The following ENOX1 variants were observed in gnomAD, a reference collection of about 807,000 sequenced individuals.
ENOX1 encodes the protein ecto-NOX disulfide-thiol exchanger 1.
Under a neutral mutation model 82.5 loss-of-function variants are expected in ENOX1, and 42 were observed. That is an observed-to-expected ratio of 0.51 (90% CI 0.40 to 0.66). The LOEUF is 0.66. Among genes scored for constraint, ENOX1 ranks in the 30% least tolerant of loss-of-function variants. The pLI is 0.00. For synonymous variants in ENOX1, 271 were observed against 282.2 expected, an observed-to-expected ratio of 0.96 and a Z score of 0.40; for missense variants, 608 against 811.6, an observed-to-expected ratio of 0.75 and a Z score of 3.05.
intron 1 of ENOX1, among the ~76,000 whole-genome samples, chr13:43,725,268 A>AG (rs1181824756): frequency 3.3e-5 from 5 of 152,296 alleles, no homozygotes; most frequent in African/African-American, 1.2e-4. Flanking sequence ...TTGAGCAACT[A>AG]CCAGCCAATC....
At chr13:43,600,880 TGCCTGGTAA>T (rs2081681880) in intron 2 of ENOX1, among the ~76,000 whole-genome samples, 1 of 152,164 alleles carries the variant, frequency 6.6e-6, no homozygotes, top group African/African-American at 2.4e-5. Context: ...GAAGAGTCTC[TGCCTGGTAA>T]TCCAGAGAAT....
intron 2 of ENOX1, among the ~76,000 whole-genome samples, chr13:43,525,451 T>C (rs1175605011): frequency 1.3e-5 from 2 of 152,188 alleles, no homozygotes; most frequent in African/African-American, 4.8e-5. Flanking sequence ...TCACTTAACA[T>C]AATATTCTCA....
At chr13:43,365,717 G>T (rs2050805333) in intron 5 of ENOX1, among the ~76,000 whole-genome samples, 1 of 152,238 alleles carries the variant, frequency 6.6e-6, no homozygotes, top group South Asian at 2.1e-4. Context: ...TTTGGGGAAG[G>T]AGATAGACCC....
chr13:43,565,510 G>C (rs1223256216), intron 2 of ENOX1, among the ~76,000 whole-genome samples: 1 of 152,062 alleles, frequency 6.6e-6, no homozygotes, highest in Non-Finnish European at 1.5e-5. Context: ...TTGGGATCAA[G>C]AGCCTGATGT....
chr13:43,359,780 G>T, intron 7 of ENOX1, 71 bp downstream of exon 7: 1 of 1,412,102 alleles, frequency 7.1e-7, no homozygotes, highest in Non-Finnish European at 9.9e-7. Flanking sequence ...AAGGCCAAAG[G>T]GAATAAGCTC....
intron 12 of ENOX1, among the ~76,000 whole-genome samples, chr13:43,291,723 C>A (rs2046010502): frequency 6.6e-6 from 1 of 152,216 alleles, no homozygotes; most frequent in South Asian, 2.1e-4. Flanking sequence ...GCCCCCGAAA[C>A]AGGCTCCTGT....
chr13:43,731,484 T>G (rs1290484231), intron 1 of ENOX1, among the ~76,000 whole-genome samples: 1 of 151,734 alleles, frequency 6.6e-6, no homozygotes, highest in Non-Finnish European at 1.5e-5. Flanking sequence ...ATAACTCCTT[T>G]CCTCAGCCAA....
At chr13:43,567,736 G>T (rs777454345) in intron 2 of ENOX1, among the ~76,000 whole-genome samples, 33 of 152,154 alleles carry the variant, frequency 2.2e-4, no homozygotes, top group Non-Finnish European at 3.4e-4. Flanking sequence ...GCAAGGAAGA[G>T]AAACAGAATT....
intron 2 of ENOX1, among the ~76,000 whole-genome samples, chr13:43,539,397 T>G (rs1237566602): frequency 1.3e-5 from 2 of 152,216 alleles, no homozygotes; most frequent in Non-Finnish European, 2.9e-5. Flanking sequence ...CAAAATATTT[T>G]CTAATTTCCA....
At chr13:43,254,542 A>T (rs1234848958) in intron 14 of ENOX1, among the ~76,000 whole-genome samples, 1 of 152,234 alleles carries the variant, frequency 6.6e-6, no homozygotes, top group African/African-American at 2.4e-5. Flanking sequence ...CTATTTATAA[A>T]TTGCTTTAAA....
Position 43,470,366 on chromosome 13 carries a change from G to GTATATATATGTGTATATA in ENOX1, c.-75+13642_-75+13643insTATATACACATATATATA, listed in dbSNP as rs71099835. Among the ~76,000 whole-genome samples, 24 of 7,182 alleles carry GTATATATATGTGTATATA rather than the reference G, an allele frequency of 3.3e-3. 1 individual carries two copies. Among genetic ancestry groups the GTATATATATGTGTATATA allele is most frequent in the African/African-American group, 6.5e-3 (20 of 3,092 alleles). 4.7% of individuals were successfully genotyped at this position (7,182 alleles called of 152,430 possible). ...CGTATATATATATGTATATATATAC[G>GTATATATATGTGTATATA]TATATATATACATATATATACGTAT... On this transcript the variant is annotated intron_variant, in intron 3 of 16. Transcript: ENST00000690772.
At position 43,451,298 on chromosome 13, in the gene ENOX1, G is replaced by A. The variant is rs76786711; in HGVS notation, c.-75+32711C>T. Among the ~76,000 whole-genome samples, 1,473 of 152,262 alleles carry A rather than the reference G, an allele frequency of 9.7e-3. 19 individuals are homozygous for A. Among genetic ancestry groups the A allele is most frequent in the African/African-American group, 0.034 (1,398 of 41,538 alleles). On this transcript the variant is annotated intron_variant, in intron 3 of 16. Coordinates refer to ENST00000690772, the MANE Select transcript of ENOX1 (RefSeq NM_001347969.2). ...TTTTATAGGTAAGGGAACTCAGGCT[G>A]GTTAAGTAACCTGCTCTAGGTCATT...
chr13:43,247,868 TATATATATATATA>T (rs2043204594), intron 14 of ENOX1, among the ~76,000 whole-genome samples: 12 of 2,400 alleles, frequency 5.0e-3, no homozygotes, highest in Non-Finnish European at 8.3e-3. Context: ...TATATATATA[TATATATATATATA>T]TATTTTTTTT....
chr13:43,304,881 A>G (rs1439535074), intron 11 of ENOX1, among the ~76,000 whole-genome samples: 1 of 152,192 alleles, frequency 6.6e-6, no homozygotes, highest in Non-Finnish European at 1.5e-5. Flanking sequence ...CCAGTATGAG[A>G]CTATTCACCC....
At chr13:43,394,941 T>C (rs1054654189) in intron 5 of ENOX1, 2 of 152,046 alleles carry the variant, frequency 1.3e-5, no homozygotes, top group African/African-American at 2.4e-5. Context: ...TCTTCACATA[T>C]GAATTGGTGT....
chr13:43,589,309 T>A (rs2081137081), intron 2 of ENOX1, among the ~76,000 whole-genome samples: 1 of 144,588 alleles, frequency 6.9e-6, no homozygotes, highest in Non-Finnish European at 1.5e-5. Context: ...AGAAACAACC[T>A]CACCCTCAGT....
rs1594700980 is a variant in ENOX1, at chr13:43,755,224, A to C, written c.-285+31428T>G. 3.3e-5 allele frequency among the ~76,000 whole-genome samples: 5 copies of C among 152,330 alleles called. No individual in the cohort carries two copies. In the Middle Eastern group the frequency reaches 0.017, roughly 518 times the overall value. On this transcript the variant is annotated intron_variant, in intron 1 of 16. Transcript: ENST00000690772. ...AACATGAGCTTTTACAGCTTCCTCC[A>C]CATCTCCATATGACCATCACTGTCA...
intron 3 of ENOX1, among the ~76,000 whole-genome samples, chr13:43,466,794 C>T (rs2057746075): frequency 6.6e-6 from 1 of 152,128 alleles, no homozygotes; most frequent in Admixed American, 6.6e-5. Flanking sequence ...AACAGTCACT[C>T]CCCATTCCCC....
At chr13:43,367,049 G>A (rs953595022) in intron 5 of ENOX1, among the ~76,000 whole-genome samples, 1 of 152,164 alleles carries the variant, frequency 6.6e-6, no homozygotes, top group Admixed American at 6.5e-5. Context: ...ACAAACATAT[G>A]AGTGCCTACT....
Sources: allele counts gnomAD v4.1 joint callset (sites outside exome capture counted in the v4.1 genomes callset), GRCh38; gene constraint gnomAD v4.1.1; transcripts MANE v1.5; gene names NCBI Gene and HGNC (gene_info 2026-07-23, HGNC 2026-07-21).